TRERF1: variants seen among roughly 807,000 people sequenced by gnomAD.
The protein encoded by TRERF1 is transcriptional regulating factor 1.
A neutral mutation model predicts 122.9 loss-of-function variants in TRERF1; 27 were observed. The ratio of observed to expected loss-of-function variants is 0.22; its 90% CI spans 0.16 to 0.30. TRERF1 has a LOEUF of 0.30. Ranked by LOEUF, TRERF1 falls within the 10% of genes least tolerant of loss-of-function variation. TRERF1 has a pLI of 1.00. For missense variants in TRERF1, 1,248 were observed against 1,560.3 expected, an observed-to-expected ratio of 0.80 and a Z score of 3.37; for synonymous variants, 636 against 641.7, an observed-to-expected ratio of 0.99 and a Z score of 0.13.
At chr6:42,339,134 G>A (rs260272) in intron 3 of TRERF1, among the ~76,000 whole-genome samples, 5,820 of 152,264 alleles carry the variant, frequency 0.038, 242 homozygotes, top group African/African-American at 0.11. Context: ...ATCTATCCTT[G>A]AGGTCACTGC....
chr6:42,362,564 C>T (rs1771970208), intron 3 of TRERF1, among the ~76,000 whole-genome samples: 1 of 152,234 alleles, frequency 6.6e-6, no homozygotes, highest in African/African-American at 2.4e-5. Context: ...TGAGGCCAGA[C>T]CTGATAAAAA....
intron 2 of TRERF1, among the ~76,000 whole-genome samples, chr6:42,427,026 G>A (rs888187350): frequency 5.9e-5 from 9 of 151,610 alleles, no homozygotes; most frequent in African/African-American, 1.9e-4. Flanking sequence ...AGTGATTCAC[G>A]CCTATAATCC....
At chr6:42,331,305 T>C (rs534852283) in intron 3 of TRERF1, among the ~76,000 whole-genome samples, 90 of 152,246 alleles carry the variant, frequency 5.9e-4, no homozygotes, top group African/African-American at 2.0e-3. Context: ...TGTGATCTGC[T>C]TGGTGAAGTC....
At chr6:42,353,151 A>G (rs1769798968) in intron 3 of TRERF1, among the ~76,000 whole-genome samples, 1 of 152,194 alleles carries the variant, frequency 6.6e-6, no homozygotes, top group Non-Finnish European at 1.5e-5. Context: ...GGCCTGGGCG[A>G]CAGAATGAGA....
chr6:42,430,912 T>C (rs951820681), intron 2 of TRERF1, among the ~76,000 whole-genome samples: 1 of 134,806 alleles, frequency 7.4e-6, no homozygotes, highest in African/African-American at 2.9e-5. Context: ...AAAAAAAAAA[T>C]TAGCCGGGTG....
intron 4 of TRERF1, among the ~76,000 whole-genome samples, chr6:42,271,321 G>A (rs1780178003): frequency 6.6e-6 from 1 of 151,924 alleles, no homozygotes; most frequent in South Asian, 2.1e-4. Context: ...CGAAAAGAAG[G>A]GCAAACTTCT....
intron 4 of TRERF1, among the ~76,000 whole-genome samples, chr6:42,291,820 C>T (rs1784370990): frequency 1.3e-5 from 2 of 152,050 alleles, no homozygotes; most frequent in South Asian, 4.2e-4. Context: ...GCTGGGATTA[C>T]AGGCATAAGA....
intron 3 of TRERF1, among the ~76,000 whole-genome samples, chr6:42,350,240 C>A (rs1397835027): frequency 6.6e-6 from 1 of 152,208 alleles, no homozygotes; most frequent in East Asian, 1.9e-4. Flanking sequence ...AGAACAAGCC[C>A]TCACGTTTTG....
chr6:42,353,831 C>T (rs1004409373), intron 3 of TRERF1, among the ~76,000 whole-genome samples: 101 of 151,928 alleles, frequency 6.6e-4, no homozygotes, highest in African/African-American at 2.3e-3. Flanking sequence ...TGTGTGTGTG[C>T]GTGTATACAT....
At chr6:42,365,967 G>A (rs1562071728) in intron 2 of TRERF1, among the ~76,000 whole-genome samples, 1 of 152,148 alleles carries the variant, frequency 6.6e-6, no homozygotes. Flanking sequence ...CATAAATGGT[G>A]CACATCTCCT....
intron 4 of TRERF1, among the ~76,000 whole-genome samples, chr6:42,293,355 C>T (rs936369551): frequency 4.6e-5 from 7 of 152,154 alleles, no homozygotes; most frequent in African/African-American, 1.7e-4. Flanking sequence ...TAGAAGCCAA[C>T]TCAAGGGAGA....
In TRERF1 at chr6:42,444,389, G is replaced by A. The variant is rs75401009; in HGVS notation, c.-454+6788C>T. 3.6e-3 allele frequency among the ~76,000 whole-genome samples: 542 copies of A among 152,132 alleles called. 3 individuals carry two copies. The highest frequency in any genetic ancestry group is 0.012 in the African/African-American group (510 of 41,508). The stretch of plus-strand genomic sequence containing the variant: ...TCTTTCCTCTGTGCCGCTCAGTAAC[G>A]CAGTCAAATGTTCAGAAAAATGCAG... On this transcript the variant is annotated intron_variant, in intron 2 of 17. Coordinates refer to ENST00000372922, the Ensembl canonical transcript of TRERF1.
rs757370192 is a variant in TRERF1, at chr6:42,232,689, C to T, written c.3270G>A (p.Glu1090=). ...CGGTCCCCTGCACCTACTTGCCACA[C>T]TCCTTGCAGGGGAAGATGGTGGTGG... Residue 1090 remains glutamate, a synonymous_variant, in exon 17 of 18, where the codon GAG becomes GAA. Coordinates refer to ENST00000372922, the Ensembl canonical transcript of TRERF1. This position sits in a 1 kb window ranked among gnomAD's most constrained non-coding sequence, Gnocchi z 4.5. 2.1e-5 allele frequency: 34 copies of T among 1,596,444 alleles called. No homozygotes were observed. Among genetic ancestry groups the T allele is most frequent in the African/African-American group, 2.7e-5 (2 of 74,644 alleles).
At chr6:42,289,925 A>C (rs1341971345) in intron 4 of TRERF1, among the ~76,000 whole-genome samples, 2 of 152,194 alleles carry the variant, frequency 1.3e-5, no homozygotes, top group East Asian at 3.8e-4. Flanking sequence ...ATGGGGGTAC[A>C]GGAGGAGGAG....
At chr6:42,234,835 A>G (rs16895429) in intron 16 of TRERF1, among the ~76,000 whole-genome samples, 6,588 of 152,262 alleles carry the variant, frequency 0.043, 492 homozygotes, top group African/African-American at 0.15. Context: ...TGAGCATTTG[A>G]TGGGAAAAAG....
chr6:42,293,587 T>C (rs985420130), intron 4 of TRERF1, among the ~76,000 whole-genome samples: 5 of 152,144 alleles, frequency 3.3e-5, no homozygotes, highest in African/African-American at 9.7e-5. Context: ...TCCTCCTTTT[T>C]CTCTCCACTC....
chr6:42,265,811 A>G lies in TRERF1; in HGVS notation c.1438-14T>C, dbSNP rs759390514. On this transcript the variant is annotated splice_polypyrimidine_tract_variant and intron_variant, in intron 5 of 17. Transcript: ENST00000372922. ...AGGTAGGTGCATCTAATTTTGAGCC[A>G]AACAGGACACCGAAAAAAAGAAGAG... 2 of 1,612,710 alleles carry G rather than the reference A, an allele frequency of 1.2e-6. No homozygotes were observed. The highest frequency in any genetic ancestry group is 1.1e-5 in the South Asian group (1 of 90,702).
At chr6:42,411,471 G>A (rs1033361075) in intron 2 of TRERF1, among the ~76,000 whole-genome samples, 1 of 152,132 alleles carries the variant, frequency 6.6e-6, no homozygotes, top group African/African-American at 2.4e-5. Context: ...AGCAGAACAG[G>A]AACTAACACA....
intron 4 of TRERF1, among the ~76,000 whole-genome samples, chr6:42,277,905 G>GGAAGAA (rs70987587): frequency 0.072 from 6,130 of 84,804 alleles, 562 homozygotes; most frequent in Middle Eastern, 0.097. Flanking sequence ...GAAGGAAGAA[G>GGAAGAA]GAAGAAGAAG....
Sources: gnomAD v4.1 joint callset for allele counts (sites outside exome capture counted in the v4.1 genomes callset) on GRCh38, gnomAD v4.1.1 for gene constraint, Gnocchi (gnomAD v3.1) non-coding constraint, MANE v1.5 for transcripts, NCBI Gene and HGNC (gene_info 2026-07-23, HGNC 2026-07-21) for gene names.